The following SYNE3 variants were observed in gnomAD, a reference collection of about 807,000 sequenced individuals.
The protein encoded by SYNE3 is nesprin-3.
SYNE3 carries 100 observed loss-of-function variants against 111.2 expected under a neutral mutation model. The ratio of observed to expected loss-of-function variants is 0.90; its 90% confidence interval spans 0.77 to 1.06. SYNE3 has a LOEUF of 1.06. Ranked by LOEUF, SYNE3 falls within the 50% of genes least tolerant of loss-of-function variation. The pLI, the probability that SYNE3 is intolerant of heterozygous loss-of-function variation, is 0.00. For synonymous variants in SYNE3, 547 were observed against 533.9 expected (o/e 1.02, Z -0.34); for missense variants, 1,160 against 1,240.3 (o/e 0.94, Z 0.97).
At chr14:95,460,789 A>G (rs943889852) in intron 4 of SYNE3, among the ~76,000 whole-genome samples, 1 of 152,178 alleles carries the variant, frequency 6.6e-6, no homozygotes, top group African/African-American at 2.4e-5. Flanking sequence ...CATTCATGAA[A>G]CAAAGTGGGT....
chr14:95,431,040 C>T (rs937363887), intron 17 of SYNE3, among the ~76,000 whole-genome samples: 2 of 152,214 alleles, frequency 1.3e-5, no homozygotes, highest in African/African-American at 4.8e-5. Flanking sequence ...TTCTAGGAAA[C>T]ACAGATTCCA....
chr14:95,426,370 GC>G (rs1294501729), intron 17 of SYNE3, among the ~76,000 whole-genome samples: 1 of 152,136 alleles, frequency 6.6e-6, no homozygotes. Context: ...GATTTGACCT[GC>G]CCCCGGAGTT....
intron 1 of SYNE3, among the ~76,000 whole-genome samples, chr14:95,510,809 CA>C (rs1890697227): frequency 1.3e-5 from 2 of 152,108 alleles, no homozygotes; most frequent in African/African-American, 4.8e-5. Context: ...AGTGCAGGAC[CA>C]AAATGGGATG....
intron 1 of SYNE3, among the ~76,000 whole-genome samples, chr14:95,505,132 G>A (rs1363906624): frequency 6.6e-6 from 1 of 152,258 alleles, no homozygotes; most frequent in Non-Finnish European, 1.5e-5. Context: ...GTTCGCCCAA[G>A]CACAAGTGAA....
chr14:95,444,263 T>C, intron 10 of SYNE3: 1 of 522,048 alleles, frequency 1.9e-6, no homozygotes, highest in Non-Finnish European at 3.2e-6. Flanking sequence ...AGAAAGACAG[T>C]TTGTCATTTT....
chr14:95,459,008 A>G (rs1333870683), intron 4 of SYNE3, among the ~76,000 whole-genome samples: 1 of 152,232 alleles, frequency 6.6e-6, no homozygotes, highest in Non-Finnish European at 1.5e-5. Flanking sequence ...TCTTACAGAA[A>G]AGATTCCAAT....
intron 1 of SYNE3, among the ~76,000 whole-genome samples, chr14:95,506,227 A>G (rs889370322): frequency 1.3e-5 from 2 of 152,170 alleles, no homozygotes; most frequent in Admixed American, 1.3e-4. Context: ...CCTCCACTGT[A>G]TTGAGGAGGA....
rs1420142359 is a variant in SYNE3 at position 95,407,631 on chromosome 14, T to C, written c.*10195A>G. ...TCACAAATAATATGACAAGAGTAGA[T>C]ATGGTCCCTCTGCGTATTGTTTACA... On this transcript the variant is annotated 3_prime_UTR_variant, in exon 18 of 18. Coordinates refer to ENST00000682763, the MANE Select transcript of SYNE3 (RefSeq NM_152592.6). 1.3e-5 allele frequency: 2 copies of C among 152,214 alleles called. No homozygotes were observed. The highest frequency in any genetic ancestry group is 6.5e-5 in the Admixed American group (1 of 15,278). The allele number at this position is 152,214 out of a possible 1,614,324, so 9.4% of individuals were successfully genotyped here. A position where few individuals can be genotyped will look rare whatever the true frequency, so the allele number is the denominator to read the frequency against.
chr14:95,491,320 C>T (rs1056168955), intron 1 of SYNE3, among the ~76,000 whole-genome samples: 2 of 152,174 alleles, frequency 1.3e-5, no homozygotes, highest in African/African-American at 4.8e-5. Flanking sequence ...CAAGATCTGG[C>T]AGCAGCTCAG....
intron 14 of SYNE3, 107 bp downstream of exon 14, chr14:95,438,926 G>A: frequency 6.7e-7 from 1 of 1,491,828 alleles, no homozygotes; most frequent in Non-Finnish European, 9.2e-7. Context: ...AGTCCTCAGA[G>A]CAGAGCATGT....
At chr14:95,438,989 T>A in intron 14 of SYNE3, 44 bp downstream of exon 14, 1 of 1,609,564 alleles carries the variant, frequency 6.2e-7, no homozygotes, top group South Asian at 1.1e-5. Context: ...CCTCTTGACC[T>A]GGGGCCTGGC....
intron 1 of SYNE3, among the ~76,000 whole-genome samples, chr14:95,492,749 C>T (rs1013292422): frequency 6.6e-6 from 1 of 152,088 alleles, no homozygotes; most frequent in Non-Finnish European, 1.5e-5. Flanking sequence ...GGCGAGGTGG[C>T]TCATGCCTGT....
At chr14:95,457,417 T>TGG in intron 4 of SYNE3, 79 bp from the exon 5 acceptor site, 3 of 1,522,806 alleles carry the variant, frequency 2.0e-6, no homozygotes, top group Non-Finnish European at 2.7e-6. Context: ...GTAGCCTGCC[T>TGG]GGGTGTGTGT....
At position 95,415,014 on chromosome 14, in the gene SYNE3, C is replaced by T. The variant is rs1903534637; in HGVS notation, c.*2812G>A. 6.6e-6 allele frequency: 1 copy of T among 151,964 alleles called. No homozygotes were observed. The highest frequency in any genetic ancestry group is 2.4e-5 in the African/African-American group (1 of 41,384). The allele number at this position is 151,964 out of a possible 1,614,324, so 9.4% of individuals were successfully genotyped here. A position where few individuals can be genotyped will look rare whatever the true frequency, so the allele number is the denominator to read the frequency against. ...AAAAAATATAGGTAGATATTCCCAC[C>T]CCCGCCCGCATGTTCCAGCTTCTCC... On this transcript the variant is annotated 3_prime_UTR_variant, in exon 18 of 18. Coordinates refer to ENST00000682763, the MANE Select transcript of SYNE3 (RefSeq NM_152592.6).
chr14:95,428,562 A>G (rs147312655), intron 17 of SYNE3, among the ~76,000 whole-genome samples: 447 of 152,322 alleles, frequency 2.9e-3, no homozygotes, highest in Middle Eastern at 0.01. Flanking sequence ...CTGCTTCTGC[A>G]AACTAGCACT....
At chr14:95,420,511 C>G (rs374010525) in intron 17 of SYNE3, among the ~76,000 whole-genome samples, 7 of 152,120 alleles carry the variant, frequency 4.6e-5, no homozygotes, top group East Asian at 3.9e-4. Flanking sequence ...TGGCCATGAT[C>G]CTCTGGGGAA....
Position 95,417,488 on chromosome 14 carries a change from A to G in SYNE3, c.*338T>C. The G allele has an allele frequency of 2.9e-6, 1 of 343,382 alleles. No individual in the cohort carries two copies. Among genetic ancestry groups the G allele is most frequent in the Non-Finnish European group, 5.6e-6 (1 of 179,768 alleles). 21.3% of individuals were successfully genotyped at this position (343,382 alleles called of 1,614,324 possible). A position where few individuals can be genotyped will look rare whatever the true frequency, so the allele number is the denominator to read the frequency against. On this transcript the variant is annotated 3_prime_UTR_variant, in exon 18 of 18. Transcript: ENST00000682763. ...GACTGCAGACCAAGTCAACAATACC[A>G]CAAAATCCCATTGGAGGGAGCCATT...
chr14:95,475,521 T>C (rs1888826590), intron 2 of SYNE3, among the ~76,000 whole-genome samples, 157 bp downstream of exon 2: 1 of 152,210 alleles, frequency 6.6e-6, no homozygotes, highest in African/African-American at 2.4e-5. Flanking sequence ...GAGTCTACAC[T>C]TAAACAAAAT....
intron 14 of SYNE3, 142 bp downstream of exon 14, chr14:95,438,891 G>T: frequency 8.5e-7 from 1 of 1,180,836 alleles, no homozygotes; most frequent in Non-Finnish European, 1.2e-6. Flanking sequence ...GCTGGGGCAG[G>T]CTCAAATGAG....
Sources: allele counts gnomAD v4.1 joint callset (sites outside exome capture counted in the v4.1 genomes callset), GRCh38; gene constraint gnomAD v4.1.1; transcripts MANE v1.5; gene names NCBI Gene and HGNC (gene_info 2026-07-23, HGNC 2026-07-21).